The following EPHA6 variants were observed in gnomAD, a reference collection of about 807,000 sequenced individuals.
EPHA6 encodes EPH receptor A6, also known as ephrin type-A receptor 6.
EPHA6 carries 50 observed loss-of-function variants against 112.0 expected under a neutral mutation model. The observed-to-expected ratio is 0.45, with a 90% CI of 0.36 to 0.56. The LOEUF (loss-of-function observed/expected upper bound fraction) is 0.56, where lower values mean the gene tolerates loss of function less well. Among genes scored for constraint, EPHA6 ranks in the 20% least tolerant of loss-of-function variants. The pLI, the probability that EPHA6 is intolerant of heterozygous loss-of-function variation, is 0.00. For missense variants in EPHA6, 1,280 were observed against 1,417.4 expected (o/e 0.90, Z 1.56); for synonymous variants, 529 against 490.7 (o/e 1.08, Z -1.03).
At chr3:97,108,953 G>A (rs2047643665) in intron 3 of EPHA6, among the ~76,000 whole-genome samples, 1 of 152,096 alleles carries the variant, frequency 6.6e-6, no homozygotes, top group Non-Finnish European at 1.5e-5. Flanking sequence ...AGCCATTCCA[G>A]TGGCATGTAC....
intron 3 of EPHA6, among the ~76,000 whole-genome samples, chr3:97,019,684 TTC>T (rs1454436734): frequency 1.3e-5 from 2 of 152,206 alleles, no homozygotes; most frequent in African/African-American, 2.4e-5. Flanking sequence ...TACATATTTA[TTC>T]TCTGTTATAT....
intron 3 of EPHA6, among the ~76,000 whole-genome samples, chr3:97,128,383 T>C (rs2048240911): frequency 1.3e-5 from 2 of 152,224 alleles, no homozygotes. Context: ...ATGGGATTGC[T>C]GGGTCAAATG....
At chr3:96,817,093 A>G (rs542733234) in intron 1 of EPHA6, among the ~76,000 whole-genome samples, 1 of 152,168 alleles carries the variant, frequency 6.6e-6, no homozygotes, top group African/African-American at 2.4e-5. Context: ...CAGGCTGTGC[A>G]TAAGAGTACA....
At chr3:97,052,161 T>G (rs1451207568) in intron 3 of EPHA6, among the ~76,000 whole-genome samples, 1 of 152,116 alleles carries the variant, frequency 6.6e-6, no homozygotes, top group Non-Finnish European at 1.5e-5. Context: ...AACCCAAGCA[T>G]TCTGGCTCTA....
intron 1 of EPHA6, among the ~76,000 whole-genome samples, chr3:96,855,514 C>T (rs1297792427): frequency 4.6e-5 from 7 of 151,820 alleles, no homozygotes; most frequent in Non-Finnish European, 7.4e-5. Flanking sequence ...GAGGTGGTGC[C>T]CATTTAATGG....
intron 3 of EPHA6, among the ~76,000 whole-genome samples, chr3:97,081,748 A>T (rs1446515658): frequency 6.6e-6 from 1 of 151,654 alleles, no homozygotes; most frequent in Non-Finnish European, 1.5e-5. Context: ...CAAATATGAG[A>T]TTATCAACAT....
At chr3:97,299,836 G>C (rs2081022207) in intron 5 of EPHA6, among the ~76,000 whole-genome samples, 1 of 152,148 alleles carries the variant, frequency 6.6e-6, no homozygotes, top group African/African-American at 2.4e-5. Flanking sequence ...TTGTGCCTCA[G>C]TTGGTAAGGA....
intron 3 of EPHA6, among the ~76,000 whole-genome samples, chr3:97,218,428 C>A (rs1576704281): frequency 6.6e-6 from 1 of 152,112 alleles, no homozygotes; most frequent in Non-Finnish European, 1.5e-5. Context: ...AGGAAACTTA[C>A]AATTGTGGCG....
intron 2 of EPHA6, among the ~76,000 whole-genome samples, chr3:96,973,942 A>G (rs181949266): frequency 1.1e-3 from 154 of 146,074 alleles, no homozygotes; most frequent in African/African-American, 3.5e-3. Context: ...TATATAATAT[A>G]GTGTATACAT....
chr3:96,910,937 C>CTCA (rs1308187419), intron 2 of EPHA6, among the ~76,000 whole-genome samples: 2 of 152,012 alleles, frequency 1.3e-5, no homozygotes, highest in African/African-American at 4.8e-5. Context: ...CATTGTTTTT[C>CTCA]TCATAAATAA....
intron 2 of EPHA6, among the ~76,000 whole-genome samples, chr3:96,932,596 C>T (rs1369699442): frequency 6.6e-6 from 1 of 152,014 alleles, no homozygotes; most frequent in Non-Finnish European, 1.5e-5. Flanking sequence ...TTAGTATGTC[C>T]TCCTGTAACC....
Position 97,328,052 on chromosome 3 carries a change from C to CATATATAAATATAT in EPHA6, c.1607-77097_1607-77096insTATATAAATATATA, listed in dbSNP as rs1490094035. Reference sequence around the variant, plus strand: ...ATGTGTATATATACACACATATATACACATATATATATATATATATATATA... The same window carrying CATATATAAATATAT: ...ATGTGTATATATACACACATATATACATATATAAATATATACATATATATATATATATATATATA... On this transcript the variant is annotated intron_variant, in intron 5 of 17. Coordinates refer to ENST00000389672, the MANE Select transcript of EPHA6 (RefSeq NM_001080448.3). Among the ~76,000 whole-genome samples the CATATATAAATATAT allele has an allele frequency of 4.0e-4, 23 of 56,990 alleles. 2 individuals carry two copies. The highest frequency in any genetic ancestry group is 2.0e-3 in the African/African-American group (23 of 11,632). The allele number at this position is 56,990 out of a possible 152,430, so 37.4% of individuals were successfully genotyped here. A position where few individuals can be genotyped will look rare whatever the true frequency, so the allele number is the denominator to read the frequency against.
At chr3:97,226,078 T>C (rs746374488) in intron 3 of EPHA6, among the ~76,000 whole-genome samples, 186 bp from the exon 4 acceptor site, 16 of 152,162 alleles carry the variant, frequency 1.1e-4, no homozygotes, top group Non-Finnish European at 1.8e-4. Context: ...TATGATTGCA[T>C]TGTGGTTTTA....
intron 5 of EPHA6, among the ~76,000 whole-genome samples, chr3:97,339,901 T>C (rs550275169): frequency 3.3e-4 from 50 of 152,274 alleles, no homozygotes; most frequent in Non-Finnish European, 6.8e-4. Flanking sequence ...AAAACAGAAT[T>C]GAGCTCTGGT....
At chr3:97,718,184 A>G (rs539413323) in intron 14 of EPHA6, among the ~76,000 whole-genome samples, 1 of 152,364 alleles carries the variant, frequency 6.6e-6, no homozygotes, top group South Asian at 2.1e-4. Context: ...TAAATAGCTC[A>G]ATATGCAGAG....
At chr3:97,055,448 T>C (rs1244202465) in intron 3 of EPHA6, among the ~76,000 whole-genome samples, 1 of 152,090 alleles carries the variant, frequency 6.6e-6, no homozygotes, top group East Asian at 1.9e-4. Context: ...AAATGGTTTG[T>C]TTATAGAAAG....
intron 5 of EPHA6, among the ~76,000 whole-genome samples, chr3:97,326,678 T>C (rs1486409657): frequency 2.6e-5 from 4 of 152,054 alleles, no homozygotes; most frequent in Non-Finnish European, 5.9e-5. Flanking sequence ...AAGCAAATGG[T>C]CTTGGTAGAA....
chr3:97,713,908 T>C (rs1262010033), intron 14 of EPHA6, among the ~76,000 whole-genome samples: 1 of 152,168 alleles, frequency 6.6e-6, no homozygotes, highest in South Asian at 2.1e-4. Flanking sequence ...TTGTCTCCAG[T>C]CTTGGAAGGG....
intron 5 of EPHA6, among the ~76,000 whole-genome samples, chr3:97,355,192 T>G (rs1312801543): frequency 6.6e-6 from 1 of 152,122 alleles, no homozygotes; most frequent in African/African-American, 2.4e-5. Context: ...TCAGCGGTAA[T>G]AGTAGGTACA....
Sources: allele counts gnomAD v4.1 joint callset (sites outside exome capture counted in the v4.1 genomes callset), GRCh38; gene constraint gnomAD v4.1.1; transcripts MANE v1.5; gene names NCBI Gene and HGNC (gene_info 2026-07-23, HGNC 2026-07-21).